ST18: variants seen among roughly 807,000 people sequenced by gnomAD.
ST18 encodes the protein ST18 C2H2C-type zinc finger transcription factor.
Under a neutral mutation model 110.0 loss-of-function variants are expected in ST18, and 50 were observed. The ratio of observed to expected loss-of-function variants is 0.45; its 90% CI spans 0.36 to 0.58. The LOEUF is 0.58. ST18 is among the 20% of genes least tolerant of loss of function. ST18 has a pLI of 0.00. For synonymous variants in ST18, 461 were observed against 452.4 expected (o/e 1.02, Z -0.24); for missense variants, 1,306 against 1,280.1 (o/e 1.02, Z -0.31).
intron 15 of ST18, among the ~76,000 whole-genome samples, chr8:52,155,823 T>C (rs550469373): frequency 7.9e-5 from 12 of 152,316 alleles, no homozygotes; most frequent in African/African-American, 1.9e-4. Flanking sequence ...TGAGATTGCA[T>C]ACAGCCAGTT....
chr8:52,384,352 A>C (rs1835730060), intron 2 of ST18, among the ~76,000 whole-genome samples: 1 of 152,132 alleles, frequency 6.6e-6, no homozygotes, highest in Non-Finnish European at 1.5e-5. Context: ...GCAACAAAGC[A>C]GTCAGGGAGC....
intron 2 of ST18, among the ~76,000 whole-genome samples, chr8:52,318,891 G>A: frequency 6.6e-6 from 1 of 151,726 alleles, no homozygotes; most frequent in Middle Eastern, 3.2e-3. Context: ...GACACATGGG[G>A]GGGTGGGACA....
chr8:52,166,828 C>T (rs948467365), intron 11 of ST18, 24 bp downstream of exon 11: 4 of 1,539,506 alleles, frequency 2.6e-6, no homozygotes, highest in Admixed American at 1.9e-5. Flanking sequence ...TAAGCAGAAG[C>T]TTTGAGGGAC....
At chr8:52,255,404 T>C (rs893280804) in intron 2 of ST18, among the ~76,000 whole-genome samples, 4 of 152,132 alleles carry the variant, frequency 2.6e-5, no homozygotes, top group African/African-American at 4.8e-5. Flanking sequence ...CCACAAGCCC[T>C]TTTACGTCTT....
intron 2 of ST18, among the ~76,000 whole-genome samples, chr8:52,284,481 A>G (rs2095436266): frequency 2.0e-5 from 3 of 152,182 alleles, no homozygotes; most frequent in South Asian, 4.1e-4. Context: ...GACCATCCCT[A>G]TGAGAGAACA....
chr8:52,320,830 C>T (rs1348208270), intron 2 of ST18, among the ~76,000 whole-genome samples: 2 of 152,142 alleles, frequency 1.3e-5, no homozygotes, highest in African/African-American at 4.8e-5. Context: ...CCACAGGAGA[C>T]GCAGCCTAGA....
At chr8:52,311,833 G>A (rs761997210) in intron 2 of ST18, among the ~76,000 whole-genome samples, 17 of 152,306 alleles carry the variant, frequency 1.1e-4, no homozygotes, top group African/African-American at 3.6e-4. Flanking sequence ...GGGATTAGGG[G>A]ACTTTGGGGA....
chr8:52,117,211 G>A (rs2042882072), intron 24 of ST18, among the ~76,000 whole-genome samples: 1 of 152,122 alleles, frequency 6.6e-6, no homozygotes, highest in Non-Finnish European at 1.5e-5. Context: ...GAAATCCCCA[G>A]GCCTTCTCAT....
intron 8 of ST18, among the ~76,000 whole-genome samples, chr8:52,187,135 T>C (rs566921990): frequency 4.6e-5 from 7 of 152,360 alleles, no homozygotes; most frequent in Admixed American, 1.3e-4. Flanking sequence ...CGAAAGTATT[T>C]ATAGACTAAA....
chr8:52,299,910 C>T (rs2095691099), intron 2 of ST18, among the ~76,000 whole-genome samples: 1 of 152,212 alleles, frequency 6.6e-6, no homozygotes, highest in Non-Finnish European at 1.5e-5. Flanking sequence ...TGGGTCCTGG[C>T]TCTGCTCTGG....
At chr8:52,176,077 A>C (rs895101122) in intron 9 of ST18, among the ~76,000 whole-genome samples, 3 of 151,538 alleles carry the variant, frequency 2.0e-5, no homozygotes, top group Admixed American at 2.0e-4. Flanking sequence ...GCTGGAGTGC[A>C]GTGGCTCAAT....
In ST18 at chr8:52,383,456, T is replaced by G. The variant is rs72643891; in HGVS notation, c.-465+25872A>C. On this transcript the variant is annotated intron_variant, in intron 2 of 25. Coordinates refer to ENST00000689386, the MANE Select transcript of ST18 (RefSeq NM_001352837.2). ...TATTTTTTTATTTACTTTTATTATATATTTATTTTTCAGATGGAGTCTTGC... is the reference window on the plus strand; with the variant it reads ...TATTTTTTTATTTACTTTTATTATAGATTTATTTTTCAGATGGAGTCTTGC... 1.0e-3 allele frequency among the ~76,000 whole-genome samples: 158 copies of G among 152,288 alleles called. 2 individuals carry two copies. The highest frequency in any genetic ancestry group is 2.4e-3 in the Admixed American group (36 of 15,288).
chr8:52,313,845 C>T (rs138475724), intron 2 of ST18, among the ~76,000 whole-genome samples: 5,362 of 152,312 alleles, frequency 0.035, 124 homozygotes, highest in Non-Finnish European at 0.052. Context: ...TCAGTCCTGG[C>T]AACTTCTGCC....
intron 2 of ST18, chr8:52,313,362 C>G (rs145658860): frequency 6.5e-6 from 1 of 152,716 alleles, no homozygotes; most frequent in Non-Finnish European, 1.5e-5. Flanking sequence ...TGGGTACACA[C>G]CACATGCAGA....
At chr8:52,162,488 C>T (rs1255687176) in intron 13 of ST18, among the ~76,000 whole-genome samples, 1 of 152,142 alleles carries the variant, frequency 6.6e-6, no homozygotes, top group Non-Finnish European at 1.5e-5. Context: ...CACCTTTTTT[C>T]CCTGCCTTCA....
chr8:52,187,449 T>C (rs2072768388), intron 8 of ST18, among the ~76,000 whole-genome samples: 1 of 152,228 alleles, frequency 6.6e-6, no homozygotes, highest in Non-Finnish European at 1.5e-5. Context: ...CATATCATAC[T>C]ATTCAATGAT....
chr8:52,230,893 G>A (rs1305550106), intron 2 of ST18, among the ~76,000 whole-genome samples: 1 of 152,014 alleles, frequency 6.6e-6, no homozygotes, highest in Non-Finnish European at 1.5e-5. Flanking sequence ...CACCCTATAG[G>A]GTGGAAGGAT....
In ST18 at chr8:52,126,080, G is replaced by T. The variant is rs2046961627; in HGVS notation, c.2727C>A (p.Leu909=). 1 of 1,614,016 alleles carries T rather than the reference G, an allele frequency of 6.2e-7. No individual in the cohort carries two copies. The change falls in exon 23 of 26, where the codon CTC becomes CTA. Residue 909 remains leucine (L), a synonymous_variant. Transcript: ENST00000689386. ...CAGTTGCTTTGAGCTTGATGGTCATGAGTTCTTCAGAAACCTTGCCCTTTT... is the reference window on the plus strand; with the variant it reads ...CAGTTGCTTTGAGCTTGATGGTCATTAGTTCTTCAGAAACCTTGCCCTTTT... ...VIKKGKVSEE[L]MTIKLKATGG...
At chr8:52,237,801 C>T (rs1204380838) in intron 2 of ST18, among the ~76,000 whole-genome samples, 1 of 152,148 alleles carries the variant, frequency 6.6e-6, no homozygotes, top group African/African-American at 2.4e-5. Flanking sequence ...GATGCAAAAC[C>T]ATATGCCATA....
Sources: gnomAD v4.1 joint callset for allele counts (sites outside exome capture counted in the v4.1 genomes callset) on GRCh38, gnomAD v4.1.1 for gene constraint, MANE v1.5 for transcripts, NCBI Gene and HGNC (gene_info 2026-07-23, HGNC 2026-07-21) for gene names.